Variants in BABAM2 observed in about 807,000 individuals in gnomAD.
BABAM2 encodes BRISC and BRCA1 A complex member 2.
BABAM2 carries 31 observed loss-of-function variants against 54.7 expected under a neutral mutation model. That is an observed-to-expected ratio of 0.57 (90% CI 0.43 to 0.77). BABAM2 has a LOEUF of 0.77. BABAM2 is among the 30% of genes least tolerant of loss of function. The pLI is 0.00. For missense variants in BABAM2, 364 were observed against 455.8 expected, an observed-to-expected ratio of 0.80 and a Z score of 1.83; for synonymous variants, 167 against 162.9, an observed-to-expected ratio of 1.03 and a Z score of -0.19.
intron 11 of BABAM2, among the ~76,000 whole-genome samples, chr2:28,316,771 A>AC (rs1407946559): frequency 1.3e-5 from 2 of 152,196 alleles, no homozygotes; most frequent in Non-Finnish European, 2.9e-5. Flanking sequence ...ACAGCCACCC[A>AC]CACGTGATGG....
At chr2:28,163,630 C>G (rs1186395870) in intron 7 of BABAM2, among the ~76,000 whole-genome samples, 2 of 152,072 alleles carry the variant, frequency 1.3e-5, no homozygotes, top group Non-Finnish European at 2.9e-5. Flanking sequence ...TGGAGTAAAT[C>G]GGATGATAGA....
chr2:28,162,317 A>G (rs1673179450), intron 7 of BABAM2, among the ~76,000 whole-genome samples: 1 of 152,140 alleles, frequency 6.6e-6, no homozygotes, highest in Admixed American at 6.5e-5. Flanking sequence ...AGAAACCAGA[A>G]CTTAAGTAAC....
chr2:28,248,212 T>C (rs1683082746), intron 10 of BABAM2, among the ~76,000 whole-genome samples: 2 of 118,336 alleles, frequency 1.7e-5, no homozygotes, highest in South Asian at 2.7e-4. Flanking sequence ...TTTTTCTTTT[T>C]TTTTTTTTTT....
chr2:28,211,342 A>G (rs1421581544), intron 7 of BABAM2, among the ~76,000 whole-genome samples: 2 of 150,758 alleles, frequency 1.3e-5, no homozygotes, highest in Non-Finnish European at 3.0e-5. Context: ...AGTATTTAAT[A>G]ACATTTGGTC....
chr2:27,944,179 A>G (rs1669130038), intron 3 of BABAM2, among the ~76,000 whole-genome samples: 1 of 152,140 alleles, frequency 6.6e-6, no homozygotes, highest in African/African-American at 2.4e-5. Context: ...TCGACACAAT[A>G]ACTCTTAGGT....
intron 10 of BABAM2, among the ~76,000 whole-genome samples, chr2:28,287,376 C>G (rs1686914072): frequency 2.0e-5 from 3 of 152,218 alleles, no homozygotes; most frequent in South Asian, 4.2e-4. Flanking sequence ...GTACTAAATG[C>G]TATTTATGGT....
At chr2:27,898,408 T>C (rs990789834) in intron 2 of BABAM2, among the ~76,000 whole-genome samples, 3 of 152,174 alleles carry the variant, frequency 2.0e-5, no homozygotes, top group African/African-American at 7.2e-5. Flanking sequence ...AGATGTCCAT[T>C]GATAGTCTTA....
chr2:27,982,315 A>G lies in BABAM2; in HGVS notation c.206-5678A>G, dbSNP rs182891088. Among the ~76,000 whole-genome samples the G allele has an allele frequency of 3.4e-4, 51 of 152,226 alleles. No individual in the cohort carries two copies. The East Asian group carries it at 9.3e-3, about 28-fold the overall frequency. On this transcript the variant is annotated intron_variant, in intron 3 of 11. Coordinates refer to ENST00000379624, the MANE Select transcript of BABAM2 (RefSeq NM_199191.3). ...TGTGGATTGTCTTCACTTTCTAGAT[A>G]GTCTCATTTGAAGGCCAAAATTTTT...
chr2:28,159,917 T>C (rs980246552), intron 7 of BABAM2, among the ~76,000 whole-genome samples: 45 of 151,004 alleles, frequency 3.0e-4, no homozygotes, highest in African/African-American at 1.0e-3. Context: ...TTTAGTTAGG[T>C]AAAAGGTAAT....
chr2:28,083,661 A>G (rs970166330), intron 6 of BABAM2, among the ~76,000 whole-genome samples: 2 of 152,070 alleles, frequency 1.3e-5, no homozygotes, highest in African/African-American at 2.4e-5. Flanking sequence ...TGTATGTACT[A>G]TCATTGTCCC....
rs1377213804 is a variant in BABAM2, at chr2:27,929,850, T to A, written c.147T>A (p.Pro49=). 3 of 1,613,796 alleles carry A rather than the reference T, an allele frequency of 1.9e-6. No homozygotes were observed. Among genetic ancestry groups the A allele is most frequent in the Non-Finnish European group, 1.7e-6 (2 of 1,179,806 alleles). Residue 49 remains proline, a synonymous_variant, in exon 3 of 12, where the codon CCT becomes CCA. Transcript: ENST00000379624. ...DLKSGCTSLT[P]GPNCDRFKLH... is the part of the protein sequence containing the mutation. ...TTTAAAGCTGCACATCATTGACTCC[T>A]GGGCCCAACTGTGACCGATTTAAAC...
intron 4 of BABAM2, chr2:28,016,600 C>T: frequency 2.0e-6 from 1 of 511,970 alleles, no homozygotes; most frequent in South Asian, 2.0e-5. Context: ...CCAGAATCCA[C>T]TGTGTTTTAG....
At chr2:27,999,126 ACTTGT>A (rs1389487357) in intron 4 of BABAM2, among the ~76,000 whole-genome samples, 1 of 152,042 alleles carries the variant, frequency 6.6e-6, no homozygotes, top group African/African-American at 2.4e-5. Flanking sequence ...CTATTATCTT[ACTTGT>A]CTTTAGTTTT....
At chr2:28,011,335 T>A (rs1674380695) in intron 4 of BABAM2, among the ~76,000 whole-genome samples, 1 of 152,184 alleles carries the variant, frequency 6.6e-6, no homozygotes, top group Admixed American at 6.6e-5. Flanking sequence ...CAGTTGAGTG[T>A]CTATTTTGCT....
chr2:28,004,218 C>T (rs1170258146), intron 4 of BABAM2, among the ~76,000 whole-genome samples: 1 of 151,678 alleles, frequency 6.6e-6, no homozygotes, highest in Non-Finnish European at 1.5e-5. Context: ...CAAACTGCAG[C>T]CCCCACACAA....
chr2:28,229,261 G>T (rs1681157400), intron 7 of BABAM2, among the ~76,000 whole-genome samples: 6 of 152,158 alleles, frequency 3.9e-5, no homozygotes, highest in Admixed American at 3.9e-4. Flanking sequence ...GGAGTTCGAT[G>T]CCTCTTTGTC....
intron 7 of BABAM2, among the ~76,000 whole-genome samples, chr2:28,218,498 CT>C (rs1443099917): frequency 6.6e-6 from 1 of 152,056 alleles, no homozygotes; most frequent in East Asian, 1.9e-4. Flanking sequence ...CATCTTGTTC[CT>C]TAATTTGGGT....
intron 3 of BABAM2, among the ~76,000 whole-genome samples, chr2:27,958,553 T>TAC (rs1461878974): frequency 4.0e-5 from 6 of 150,346 alleles, no homozygotes; most frequent in African/African-American, 1.5e-4. Context: ...TGTTTATATA[T>TAC]ACACACACAT....
At chr2:28,032,474 C>T (rs1676369146) in intron 5 of BABAM2, among the ~76,000 whole-genome samples, 1 of 152,102 alleles carries the variant, frequency 6.6e-6, no homozygotes, top group South Asian at 2.1e-4. Flanking sequence ...GAAGTTTGAG[C>T]AAGCACACAT....
Sources: allele counts gnomAD v4.1 joint callset (sites outside exome capture counted in the v4.1 genomes callset), GRCh38; gene constraint gnomAD v4.1.1; transcripts MANE v1.5; gene names NCBI Gene and HGNC (gene_info 2026-07-23, HGNC 2026-07-21).